The following RBFOX1 variants were observed in gnomAD, a reference collection of about 807,000 sequenced individuals.
The protein encoded by RBFOX1 is RNA binding protein fox-1 homolog 1.
A neutral mutation model predicts 57.7 loss-of-function variants in RBFOX1; 8 were observed. That is an observed-to-expected ratio of 0.14 (90% CI 0.08 to 0.25). The LOEUF is 0.25. RBFOX1 is among the 10% of genes least tolerant of loss of function. The pLI, the probability that RBFOX1 is intolerant of heterozygous loss-of-function variation, is 1.00. For missense variants in RBFOX1, 611 were observed against 548.5 expected (o/e 1.11, Z -1.14); for synonymous variants, 326 against 222.4 (o/e 1.47, Z -4.15).
intron 4 of RBFOX1, among the ~76,000 whole-genome samples, chr16:7,113,144 C>T (rs181850750): frequency 2.6e-4 from 39 of 152,226 alleles, no homozygotes; most frequent in Non-Finnish European, 4.6e-4. Flanking sequence ...CAGATATATA[C>T]GTTTTTAATT....
intron 1 of RBFOX1, among the ~76,000 whole-genome samples, chr16:5,306,871 A>G (rs528702338): frequency 6.6e-6 from 1 of 152,156 alleles, no homozygotes; most frequent in African/African-American, 2.4e-5. Context: ...CTCTGCTATC[A>G]TCAGGATTTT....
intron 3 of RBFOX1, among the ~76,000 whole-genome samples, chr16:7,018,955 C>T (rs2094061736): frequency 6.6e-6 from 1 of 151,526 alleles, no homozygotes; most frequent in African/African-American, 2.4e-5. Flanking sequence ...CTCGTCTCTA[C>T]AAAAAAATTA....
chr16:7,564,559 AAAAAAAAAAG>A, intron 5 of RBFOX1, among the ~76,000 whole-genome samples: 1 of 125,224 alleles, frequency 8.0e-6, no homozygotes, highest in Non-Finnish European at 1.9e-5. Flanking sequence ...AAAAAAAAAA[AAAAAAAAAAG>A]GCACTCATCT....
At chr16:5,346,647 A>G (rs972545378) in intron 1 of RBFOX1, among the ~76,000 whole-genome samples, 3 of 152,300 alleles carry the variant, frequency 2.0e-5, no homozygotes, top group East Asian at 3.9e-4. Context: ...TCAGTGCAAT[A>G]CAGGAGAGTG....
At chr16:6,856,359 A>G (rs191021104) in intron 3 of RBFOX1, among the ~76,000 whole-genome samples, 42 of 152,224 alleles carry the variant, frequency 2.8e-4, no homozygotes, top group African/African-American at 9.1e-4. Flanking sequence ...AGTAACTAGG[A>G]TGATGAGTAG....
intron 4 of RBFOX1, among the ~76,000 whole-genome samples, chr16:7,399,101 A>G (rs1457913052): frequency 6.6e-6 from 1 of 152,206 alleles, no homozygotes; most frequent in African/African-American, 2.4e-5. Context: ...TCATGTAACA[A>G]AGCTGCACTT....
At chr16:7,322,809 T>C (rs567881313) in intron 4 of RBFOX1, among the ~76,000 whole-genome samples, 3 of 152,272 alleles carry the variant, frequency 2.0e-5, no homozygotes, top group African/African-American at 4.8e-5. Flanking sequence ...GGCAACCTAA[T>C]AATCTCTTTA....
intron 3 of RBFOX1, among the ~76,000 whole-genome samples, chr16:6,889,042 C>T (rs1433752454): frequency 1.3e-5 from 2 of 152,126 alleles, no homozygotes; most frequent in South Asian, 2.1e-4. Flanking sequence ...CATGTGTTCT[C>T]AAATTTGATT....
intron 2 of RBFOX1, among the ~76,000 whole-genome samples, chr16:5,501,435 G>T (rs1387552637): frequency 1.3e-5 from 2 of 151,880 alleles, no homozygotes; most frequent in African/African-American, 2.4e-5. Context: ...CGGACGCCCT[G>T]TCGATCTAGT....
At chr16:6,568,062 T>C (rs1408239345) in intron 2 of RBFOX1, among the ~76,000 whole-genome samples, 1 of 152,198 alleles carries the variant, frequency 6.6e-6, no homozygotes, top group African/African-American at 2.4e-5. Context: ...CCTGAAGTGG[T>C]CCACTATTTA....
At chr16:6,353,166 C>T (rs2086692536) in intron 2 of RBFOX1, among the ~76,000 whole-genome samples, 1 of 152,040 alleles carries the variant, frequency 6.6e-6, no homozygotes, top group South Asian at 2.1e-4. Context: ...AGTTCCATTT[C>T]TCCCCATCTT....
chr16:7,088,336 T>G (rs923041161), intron 4 of RBFOX1, among the ~76,000 whole-genome samples: 18 of 152,222 alleles, frequency 1.2e-4, no homozygotes, highest in Admixed American at 6.5e-4. Context: ...TTGTTTTTGT[T>G]TCTGTTTCTC....
Position 7,280,750 on chromosome 16 carries a change from G to A in RBFOX1, c.27+228652G>A, listed in dbSNP as rs996337051. On this transcript the variant is annotated intron_variant, in intron 4 of 15. Transcript: ENST00000550418. ...AGTTTTATCCATTGTAGGATGTTTG[G>A]CAAAATCCCTGGCCTTTCCCCATGA... 2.6e-5 allele frequency among the ~76,000 whole-genome samples: 4 copies of A among 152,088 alleles called. No homozygotes were observed. In the South Asian group the frequency reaches 8.3e-4, roughly 32 times the overall value.
At chr16:5,511,258 G>T (rs2043579762) in intron 2 of RBFOX1, among the ~76,000 whole-genome samples, 1 of 152,248 alleles carries the variant, frequency 6.6e-6, no homozygotes, top group Non-Finnish European at 1.5e-5. Flanking sequence ...TGAGATGCTT[G>T]ACGTGACTTC....
At chr16:7,328,234 C>T (rs1414334987) in intron 4 of RBFOX1, among the ~76,000 whole-genome samples, 1 of 152,094 alleles carries the variant, frequency 6.6e-6, no homozygotes, top group African/African-American at 2.4e-5. Flanking sequence ...GTAATCCCAG[C>T]ACTTTGGGAG....
chr16:6,868,239 C>G (rs886596352), intron 3 of RBFOX1, among the ~76,000 whole-genome samples: 3 of 152,114 alleles, frequency 2.0e-5, no homozygotes, highest in East Asian at 3.9e-4. Context: ...AGAAATACTT[C>G]GTGGTCTGCA....
intron 1 of RBFOX1, among the ~76,000 whole-genome samples, chr16:5,325,213 C>T (rs2064534271): frequency 1.3e-5 from 2 of 152,070 alleles, no homozygotes; most frequent in South Asian, 4.1e-4. Context: ...CTTCCCCTTC[C>T]CTCTTCTTGT....
chr16:5,277,573 T>C (rs2063172600), intron 1 of RBFOX1, among the ~76,000 whole-genome samples: 2 of 152,194 alleles, frequency 1.3e-5, no homozygotes, highest in Non-Finnish European at 1.5e-5. Context: ...CCCCTCCTCT[T>C]CCCAGCCTCT....
At chr16:6,742,524 A>C (rs1441294369) in intron 3 of RBFOX1, among the ~76,000 whole-genome samples, 1 of 152,164 alleles carries the variant, frequency 6.6e-6, no homozygotes, top group East Asian at 1.9e-4. Context: ...AAACCCCAGA[A>C]AGCTATACAC....
Sources: allele counts gnomAD v4.1 joint callset (sites outside exome capture counted in the v4.1 genomes callset), GRCh38; gene constraint gnomAD v4.1.1; transcripts MANE v1.5; gene names NCBI Gene and HGNC (gene_info 2026-07-23, HGNC 2026-07-21).